ATE1: variants seen among roughly 807,000 people sequenced by gnomAD.
The protein encoded by ATE1 is arginyltransferase 1.
In ATE1, 36 loss-of-function variants were observed where a neutral mutation model predicts 70.5. The ratio of observed to expected loss-of-function variants is 0.51; its 90% CI spans 0.39 to 0.67. ATE1 has a LOEUF of 0.67. Ranked by LOEUF, ATE1 falls within the 30% of genes least tolerant of loss-of-function variation. ATE1 has a pLI of 0.00. For synonymous variants in ATE1, 232 were observed against 219.3 expected (o/e 1.06, Z -0.51); for missense variants, 593 against 629.5 (o/e 0.94, Z 0.62).
At chr10:121,910,605 T>C (rs2134423806) in intron 5 of ATE1, among the ~76,000 whole-genome samples, 1 of 152,318 alleles carries the variant, frequency 6.6e-6, no homozygotes, top group South Asian at 2.1e-4. Flanking sequence ...ATCACTCCTT[T>C]TCACTGAGAA....
At chr10:121,838,056 A>C (rs1291635691) in intron 9 of ATE1, among the ~76,000 whole-genome samples, 1 of 152,032 alleles carries the variant, frequency 6.6e-6, no homozygotes, top group African/African-American at 2.4e-5. Context: ...GAATCTGACC[A>C]CTTCTTACCA....
intron 10 of ATE1, among the ~76,000 whole-genome samples, chr10:121,798,586 T>C (rs1056348492): frequency 2.0e-5 from 3 of 152,156 alleles, no homozygotes; most frequent in African/African-American, 4.8e-5. Flanking sequence ...CTGAGTTAAA[T>C]CTCACAATAA....
chr10:121,758,969 T>C (rs1422163505), intron 11 of ATE1, among the ~76,000 whole-genome samples: 3 of 152,082 alleles, frequency 2.0e-5, no homozygotes, highest in African/African-American at 7.3e-5. Flanking sequence ...TGGGCCTCCC[T>C]ATTTCCTGAA....
At chr10:121,762,094 G>A (rs777700105) in intron 11 of ATE1, among the ~76,000 whole-genome samples, 8 of 152,120 alleles carry the variant, frequency 5.3e-5, no homozygotes, top group African/African-American at 1.4e-4. Context: ...AAATGGATAC[G>A]TTTCTGTCTT....
chr10:121,803,375 G>C (rs1373508102), intron 10 of ATE1, among the ~76,000 whole-genome samples: 1 of 152,182 alleles, frequency 6.6e-6, no homozygotes, highest in Non-Finnish European at 1.5e-5. Flanking sequence ...GAGGGATATA[G>C]AAAAGTTAAG....
At chr10:121,765,906 T>G (rs1258309552) in intron 11 of ATE1, among the ~76,000 whole-genome samples, 1 of 152,128 alleles carries the variant, frequency 6.6e-6, no homozygotes, top group Non-Finnish European at 1.5e-5. Flanking sequence ...AACAATAGGT[T>G]AAAAAGGGAG....
chr10:121,758,198 A>C (rs1944887471), intron 11 of ATE1, among the ~76,000 whole-genome samples: 1 of 152,214 alleles, frequency 6.6e-6, no homozygotes, highest in Non-Finnish European at 1.5e-5. Flanking sequence ...TATTATGTTC[A>C]GTTTGCCTAT....
At chr10:121,910,829 GGAAA>G (rs1185884356) in intron 5 of ATE1, 73 bp downstream of exon 5, 1 of 1,590,524 alleles carries the variant, frequency 6.3e-7, no homozygotes, top group African/African-American at 1.4e-5. Context: ...TTTGGCTGAT[GGAAA>G]GACCCAGGGT....
chr10:121,855,126 C>T (rs952817720), intron 8 of ATE1, among the ~76,000 whole-genome samples: 1 of 152,152 alleles, frequency 6.6e-6, no homozygotes, highest in Non-Finnish European at 1.5e-5. Flanking sequence ...TTGTATTCAA[C>T]TGTAAAAATG....
At chr10:121,816,639 A>G (rs2133537122) in intron 10 of ATE1, among the ~76,000 whole-genome samples, 1 of 152,324 alleles carries the variant, frequency 6.6e-6, no homozygotes, top group Non-Finnish European at 1.5e-5. Flanking sequence ...AGCAGCCCTC[A>G]CCAGACTCAG....
At position 121,840,006 on chromosome 10, in the gene ATE1, AAAAG is replaced by A. The variant is rs1214562928; in HGVS notation, c.1157+1072_1157+1075del. ...TATGACACAATAGTAAACAGTGAGAAAAAGAGAGACTCAAGCTCCCAGATAAACA... is the reference window on the plus strand; with the variant it reads ...TATGACACAATAGTAAACAGTGAGAAAGAGACTCAAGCTCCCAGATAAACA... On this transcript the variant is annotated intron_variant, in intron 9 of 11. Transcript: ENST00000224652. Among the ~76,000 whole-genome samples, 3 of 152,324 alleles carry A rather than the reference AAAAG, an allele frequency of 2.0e-5. No homozygotes were observed. In the East Asian group the frequency reaches 5.8e-4, roughly 29 times the overall value.
chr10:121,764,937 G>A (rs563418799), intron 11 of ATE1, among the ~76,000 whole-genome samples: 3 of 152,328 alleles, frequency 2.0e-5, no homozygotes, highest in African/African-American at 7.2e-5. Flanking sequence ...CTGGCATAAG[G>A]TGGGTGCTAA....
At chr10:121,866,212 A>T (rs571944414) in intron 8 of ATE1, among the ~76,000 whole-genome samples, 1 of 152,282 alleles carries the variant, frequency 6.6e-6, no homozygotes, top group African/African-American at 2.4e-5. Flanking sequence ...GCTGGTGGAG[A>T]CTTAGGGGTA....
At chr10:121,876,238 A>C (rs1269661807) in intron 7 of ATE1, among the ~76,000 whole-genome samples, 1 of 152,236 alleles carries the variant, frequency 6.6e-6, no homozygotes, top group East Asian at 1.9e-4. Context: ...CAGAATCACA[A>C]AAGCCCATAA....
intron 3 of ATE1, among the ~76,000 whole-genome samples, chr10:121,918,213 G>C (rs1420457187): frequency 6.6e-6 from 1 of 151,920 alleles, no homozygotes; most frequent in African/African-American, 2.4e-5. Context: ...TGCGCCTGTA[G>C]TCCCAGCTAC....
intron 4 of ATE1, among the ~76,000 whole-genome samples, chr10:121,913,410 A>G (rs1008380858): frequency 6.6e-6 from 1 of 152,232 alleles, no homozygotes; most frequent in African/African-American, 2.4e-5. Flanking sequence ...GAATAGGGCA[A>G]TCTTGTCCAA....
intron 8 of ATE1, among the ~76,000 whole-genome samples, chr10:121,865,208 T>A (rs1474237174): frequency 6.6e-6 from 1 of 152,116 alleles, no homozygotes; most frequent in Non-Finnish European, 1.5e-5. Flanking sequence ...TCTGTAAGAA[T>A]TAAAATAAGG....
At chr10:121,841,467 A>C (rs1044324547) in intron 8 of ATE1, among the ~76,000 whole-genome samples, 11 of 152,204 alleles carry the variant, frequency 7.2e-5, no homozygotes, top group African/African-American at 2.7e-4. Flanking sequence ...AAAAAGAGAA[A>C]TCAATTTATG....
chr10:121,865,381 C>T (rs924611982), intron 8 of ATE1, among the ~76,000 whole-genome samples: 7 of 152,154 alleles, frequency 4.6e-5, no homozygotes, highest in African/African-American at 1.7e-4. Context: ...TTATAAATGC[C>T]TCTCCTATAG....
Sources: gnomAD v4.1 joint callset for allele counts (sites outside exome capture counted in the v4.1 genomes callset) on GRCh38, gnomAD v4.1.1 for gene constraint, MANE v1.5 for transcripts, NCBI Gene and HGNC (gene_info 2026-07-23, HGNC 2026-07-21) for gene names.